Variants in PCLO observed in about 807,000 individuals in gnomAD.
PCLO encodes the protein piccolo presynaptic cytomatrix protein, also known as protein piccolo.
Under a neutral mutation model 427.5 loss-of-function variants are expected in PCLO, and 82 were observed. That is an observed-to-expected ratio of 0.19 (90% confidence interval 0.16 to 0.23). The LOEUF (loss-of-function observed/expected upper bound fraction) is 0.23, where lower values mean the gene tolerates loss of function less well. Ranked by LOEUF, PCLO falls within the 10% of genes least tolerant of loss-of-function variation. The pLI, the probability that PCLO is intolerant of heterozygous loss-of-function variation, is 1.00. For synonymous variants in PCLO, 2,357 were observed against 2,155.4 expected (o/e 1.09, Z -2.59); for missense variants, 6,239 against 6,115.9 (o/e 1.02, Z -0.67).
chr7:83,056,928 T>C (rs150181739), intron 3 of PCLO, among the ~76,000 whole-genome samples: 3 of 152,236 alleles, frequency 2.0e-5, no homozygotes, highest in East Asian at 3.9e-4. Flanking sequence ...CTACTGCAAA[T>C]AGTATGGCTA....
intron 6 of PCLO, among the ~76,000 whole-genome samples, chr7:82,930,099 C>T: frequency 6.6e-6 from 1 of 152,128 alleles, no homozygotes; most frequent in East Asian, 1.9e-4. Context: ...GAGTGTGAAT[C>T]TCAGATTGAG....
intron 15 of PCLO, among the ~76,000 whole-genome samples, chr7:82,837,845 C>G (rs531095317): frequency 4.6e-5 from 7 of 151,944 alleles, no homozygotes; most frequent in Non-Finnish European, 1.0e-4. Flanking sequence ...CTTGTAAGTC[C>G]TTGAATATTG....
chr7:82,853,812 A>G (rs1792730541), intron 10 of PCLO, among the ~76,000 whole-genome samples: 1 of 152,028 alleles, frequency 6.6e-6, no homozygotes, highest in African/African-American at 2.4e-5. Context: ...ATCCTCCTTC[A>G]TCCTTGACTC....
rs1415697327 is a variant in PCLO at position 82,955,687 on chromosome 7, G to T, written c.5266C>A (p.Arg1756Ser). Residue 1756 changes from arginine (R) to serine (S), a missense_variant, in exon 5 of 25, where the codon CGC becomes AGC. Physicochemically the swap from Arg to Ser is moderately radical, Grantham distance 110 (BLOSUM62 -1). Around this residue, in one of 5 missense-constraint regions of PCLO, gnomAD observed 4,677 missense variants for 4,468.4 expected, o/e 1.05. Coordinates refer to ENST00000333891, the MANE Select transcript of PCLO (RefSeq NM_033026.6). ...SHKKGESKQQ[R>S]KARHRPHGPL... ...CCATGTGGTCTGTGCCGAGCTTTGC[G>T]TTGCTGTTTGCTCTCTCCTTTTTTG... 1 of 1,613,870 alleles carries T rather than the reference G, an allele frequency of 6.2e-7. No homozygotes were observed. The highest frequency in any genetic ancestry group is 1.1e-5 in the South Asian group (1 of 91,086).
At chr7:82,762,688 T>A (rs116294258) in intron 22 of PCLO, among the ~76,000 whole-genome samples, 2,437 of 152,200 alleles carry the variant, frequency 0.016, 86 homozygotes, top group African/African-American at 0.056. Context: ...AAGAACATAA[T>A]CATATTTTCC....
At chr7:82,784,196 C>G (rs1790934969) in intron 22 of PCLO, among the ~76,000 whole-genome samples, 1 of 152,152 alleles carries the variant, frequency 6.6e-6, no homozygotes, top group African/African-American at 2.4e-5. Flanking sequence ...CCAATACTGT[C>G]CCACACCATG....
intron 3 of PCLO, among the ~76,000 whole-genome samples, chr7:83,055,696 A>G (rs955502515): frequency 6.6e-6 from 1 of 152,212 alleles, no homozygotes; most frequent in Non-Finnish European, 1.5e-5. Flanking sequence ...ATTGCTGAAT[A>G]TATTTAAAAA....
chr7:82,887,846 A>G lies in PCLO; in HGVS notation c.13529-8384T>C, dbSNP rs145144601. Among the ~76,000 whole-genome samples, 480 of 152,204 alleles carry G rather than the reference A, an allele frequency of 3.2e-3. 3 individuals are homozygous for G. Among genetic ancestry groups the G allele is most frequent in the African/African-American group, 0.011 (471 of 41,544 alleles). On this transcript the variant is annotated intron_variant, in intron 9 of 24. Coordinates refer to ENST00000333891, the MANE Select transcript of PCLO (RefSeq NM_033026.6). ...ACACTTTGGGAGGCCAAGGCGGGCT[A>G]ATCACGAGGTCAAGAGTTCAAGACC...
chr7:82,784,460 T>C (rs1790941015), intron 22 of PCLO, among the ~76,000 whole-genome samples: 1 of 152,210 alleles, frequency 6.6e-6, no homozygotes, highest in Admixed American at 6.5e-5. Flanking sequence ...TTTTTTTCTT[T>C]TTTAATTGCA....
chr7:82,837,652 G>T (rs1314799532), intron 15 of PCLO, among the ~76,000 whole-genome samples: 1 of 151,830 alleles, frequency 6.6e-6, no homozygotes, highest in Non-Finnish European at 1.5e-5. Flanking sequence ...TCACACAAGA[G>T]ATTCAAAGAG....
chr7:82,865,482 C>T (rs1448395462), intron 10 of PCLO, among the ~76,000 whole-genome samples: 5 of 151,750 alleles, frequency 3.3e-5, no homozygotes, highest in African/African-American at 9.7e-5. Flanking sequence ...AGCAAGATGC[C>T]GTCTCAGAAA....
At chr7:82,814,306 C>T (rs1791632202) in intron 20 of PCLO, among the ~76,000 whole-genome samples, 1 of 151,310 alleles carries the variant, frequency 6.6e-6, no homozygotes, top group African/African-American at 2.4e-5. Context: ...TTCTGAAATG[C>T]AATAGAAGAG....
At chr7:83,144,121 T>G (rs1013114331) in intron 2 of PCLO, among the ~76,000 whole-genome samples, 1 of 152,190 alleles carries the variant, frequency 6.6e-6, no homozygotes, top group Admixed American at 6.5e-5. Context: ...ATAAACATAC[T>G]TTTAAAAATA....
chr7:82,826,674 A>T lies in PCLO; in HGVS notation c.14344-14T>A. The T allele has an allele frequency of 6.7e-7, 1 of 1,502,740 alleles. No individual in the cohort carries two copies. Among genetic ancestry groups the T allele is most frequent in the Non-Finnish European group, 9.2e-7 (1 of 1,092,130 alleles). The allele number at this position is 1,502,740 out of a possible 1,614,324, so 93.1% of individuals were successfully genotyped here. Reference sequence around the variant, plus strand: ...TTTCTTCTTGAGCTATATAGTTCAAATAGAAATCTAATTAAACCTATCTTT... The same window carrying T: ...TTTCTTCTTGAGCTATATAGTTCAATTAGAAATCTAATTAAACCTATCTTT... On this transcript the variant is annotated splice_polypyrimidine_tract_variant and intron_variant, in intron 17 of 24. Transcript: ENST00000333891.
At chr7:82,972,238 C>CA (rs1562892402) in intron 3 of PCLO, among the ~76,000 whole-genome samples, 1 of 151,806 alleles carries the variant, frequency 6.6e-6, no homozygotes, top group Non-Finnish European at 1.5e-5. Flanking sequence ...AAACAGTGTT[C>CA]AAAAAATCCA....
chr7:83,031,026 TCCTTGGCCA>T (rs1788653233), intron 3 of PCLO, among the ~76,000 whole-genome samples: 3 of 152,202 alleles, frequency 2.0e-5, no homozygotes, highest in African/African-American at 7.2e-5. Flanking sequence ...ACTGCAAGAT[TCCTTGGCCA>T]CCTCTGTTTT....
At chr7:82,972,410 G>A (rs996534337) in intron 3 of PCLO, among the ~76,000 whole-genome samples, 10 of 151,932 alleles carry the variant, frequency 6.6e-5, no homozygotes, top group African/African-American at 2.4e-4. Flanking sequence ...CAGAACTTCA[G>A]GGCTGCCTAT....
intron 10 of PCLO, among the ~76,000 whole-genome samples, chr7:82,855,178 T>G (rs1332881612): frequency 6.6e-6 from 1 of 152,156 alleles, no homozygotes; most frequent in Non-Finnish European, 1.5e-5. Context: ...AAGGATTTCA[T>G]CGTCAAATGT....
At chr7:82,873,637 T>C (rs963627707) in intron 10 of PCLO, among the ~76,000 whole-genome samples, 3 of 152,160 alleles carry the variant, frequency 2.0e-5, no homozygotes, top group African/African-American at 4.8e-5. Flanking sequence ...CACATAGTAA[T>C]TGCTATTTTG....
Sources: allele counts gnomAD v4.1 joint callset (sites outside exome capture counted in the v4.1 genomes callset), GRCh38; gene constraint gnomAD v4.1.1; regional missense constraint gnomAD v4.1.1; transcripts MANE v1.5; gene names NCBI Gene and HGNC (gene_info 2026-07-23, HGNC 2026-07-21).